The following GAPVD1 variants were observed in gnomAD, a reference collection of about 807,000 sequenced individuals.
The protein encoded by GAPVD1 is GTPase activating protein and VPS9 domains 1.
In GAPVD1, 35 loss-of-function variants were observed where a neutral mutation model predicts 155.5. That is an observed-to-expected ratio of 0.23 (90% CI 0.17 to 0.30). The LOEUF (loss-of-function observed/expected upper bound fraction) is 0.30. GAPVD1 is among the 10% of genes least tolerant of loss of function. The pLI is 1.00. For synonymous variants in GAPVD1, 636 were observed against 619.7 expected (o/e 1.03, Z -0.39); for missense variants, 1,429 against 1,775.7 (o/e 0.80, Z 3.51).
chr9:125,338,829 G>GTAATA (rs1847402500), intron 17 of GAPVD1, among the ~76,000 whole-genome samples: 1 of 152,008 alleles, frequency 6.6e-6, no homozygotes, highest in African/African-American at 2.4e-5. Context: ...TAGGGGGAGA[G>GTAATA]GGTACTTTAA....
intron 11 of GAPVD1, 87 bp from the exon 12 acceptor site, chr9:125,326,329 C>A: frequency 3.2e-6 from 3 of 935,300 alleles, no homozygotes; most frequent in Non-Finnish European, 4.9e-6. Flanking sequence ...ACCAGCCTGA[C>A]CAACATGGAG....
At chr9:125,318,173 C>T (rs1232149237) in intron 9 of GAPVD1, among the ~76,000 whole-genome samples, 1 of 152,132 alleles carries the variant, frequency 6.6e-6, no homozygotes, top group Non-Finnish European at 1.5e-5. Flanking sequence ...TTAGTAGAGA[C>T]AGGGTTTCAC....
chr9:125,339,268 C>T (rs892933277), intron 17 of GAPVD1, among the ~76,000 whole-genome samples: 14 of 152,114 alleles, frequency 9.2e-5, no homozygotes, highest in Non-Finnish European at 1.9e-4. Flanking sequence ...GGATTACAGG[C>T]GTGAGCCACC....
chr9:125,275,446 G>A (rs1161831013), intron 2 of GAPVD1, among the ~76,000 whole-genome samples: 1 of 152,130 alleles, frequency 6.6e-6, no homozygotes, highest in African/African-American at 2.4e-5. Context: ...TTAACTTAAT[G>A]CCTTTCAAAC....
chr9:125,335,965 C>T (rs1846869125), intron 15 of GAPVD1, among the ~76,000 whole-genome samples: 1 of 151,690 alleles, frequency 6.6e-6, no homozygotes, highest in Non-Finnish European at 1.5e-5. Flanking sequence ...CCAGCCTGGG[C>T]AACATGGTGA....
At chr9:125,353,038 C>T (rs1204262925) in intron 23 of GAPVD1, among the ~76,000 whole-genome samples, 8 of 151,496 alleles carry the variant, frequency 5.3e-5, no homozygotes, top group African/African-American at 1.2e-4. Flanking sequence ...AACCTGGAAG[C>T]GGAGGTTACA....
In GAPVD1 at chr9:125,302,153, A is replaced by C; in HGVS notation, c.356A>C (p.Lys119Thr). The C allele has an allele frequency of 6.2e-7, 1 of 1,613,974 alleles. No homozygotes were observed. Among genetic ancestry groups the C allele is most frequent in the Non-Finnish European group, 8.5e-7 (1 of 1,179,980 alleles). Residue 119 changes from lysine to threonine, a missense_variant, in exon 5 of 28, where the codon AAA becomes ACA. Lys to Thr is a moderately conservative substitution (Grantham distance 78, BLOSUM62 -1). This residue lies in a region of GAPVD1 where 628 missense variants were observed against 733.4 expected (regional missense o/e 0.86). Transcript: ENST00000297933. ...GCCTCCTCTTTGGTTGCTGGAGAGA[A>C]ACTTAATCAGGAGAACACACAAAGT... Reference protein sequence around the residue: ...LIASSLVAGEKLNQENTQSVI... With the variant: ...LIASSLVAGETLNQENTQSVI...
At chr9:125,329,763 C>G (rs561570227) in intron 12 of GAPVD1, among the ~76,000 whole-genome samples, 1 of 152,110 alleles carries the variant, frequency 6.6e-6, no homozygotes, top group African/African-American at 2.4e-5. Flanking sequence ...GTCTCTGCAC[C>G]CCCTGCAACC....
In GAPVD1 at chr9:125,307,888, G is replaced by T. The variant is rs745522909; in HGVS notation, c.1441+8G>T. The stretch of plus-strand genomic sequence containing the variant: ...AGAATCGATTACCTATAGGTAAAGA[G>T]AATTTCTCGTATTGGAGCTTTCTCT... On this transcript the variant is annotated splice_region_variant and intron_variant, in intron 8 of 27. Coordinates refer to ENST00000297933, the MANE Select transcript of GAPVD1 (RefSeq NM_001282680.3). The T allele has an allele frequency of 2.6e-6, 4 of 1,565,112 alleles. No homozygotes were observed. The highest frequency in any genetic ancestry group is 2.2e-5 in the South Asian group (2 of 90,102).
intron 27 of GAPVD1, among the ~76,000 whole-genome samples, chr9:125,361,513 G>A (rs7037404): frequency 0.49 from 73,621 of 151,022 alleles, 18,090 homozygotes; most frequent in Middle Eastern, 0.58. Context: ...AACAGAGTGA[G>A]ACTCCATCTT....
chr9:125,288,800 T>A (rs1282169020), intron 2 of GAPVD1, among the ~76,000 whole-genome samples: 1 of 152,204 alleles, frequency 6.6e-6, no homozygotes, highest in Non-Finnish European at 1.5e-5. Context: ...GAGTTCAGAT[T>A]TTCTTACAGA....
chr9:125,305,707 C>T (rs1183625211), intron 6 of GAPVD1, among the ~76,000 whole-genome samples: 1 of 152,062 alleles, frequency 6.6e-6, no homozygotes, highest in South Asian at 2.1e-4. Flanking sequence ...ACTCTGTTGC[C>T]CAGGCTGGAG....
In GAPVD1 at chr9:125,323,927, A is replaced by C; in HGVS notation, c.1858+4A>C. Reference sequence around the variant, plus strand: ...CAGCTGTTAGAACATGAGCAAGGTAAAGTGAAGTTGAACACAGTTGCCTAA... The same window carrying C: ...CAGCTGTTAGAACATGAGCAAGGTACAGTGAAGTTGAACACAGTTGCCTAA... On this transcript the variant is annotated splice_donor_region_variant and intron_variant, in intron 11 of 27. Coordinates refer to ENST00000297933, the MANE Select transcript of GAPVD1 (RefSeq NM_001282680.3). The C allele has an allele frequency of 2.5e-6, 4 of 1,612,358 alleles. No individual in the cohort carries two copies. The highest frequency in any genetic ancestry group is 3.4e-6 in the Non-Finnish European group (4 of 1,179,298).
intron 4 of GAPVD1, among the ~76,000 whole-genome samples, chr9:125,301,670 G>A (rs922238659): frequency 1.3e-5 from 2 of 151,866 alleles, no homozygotes; most frequent in Non-Finnish European, 2.9e-5. Flanking sequence ...GGCTGGTCTC[G>A]ACCTCCTGGC....
chr9:125,283,295 A>G (rs1333029335), intron 2 of GAPVD1, among the ~76,000 whole-genome samples: 2 of 151,728 alleles, frequency 1.3e-5, no homozygotes, highest in African/African-American at 2.4e-5. Flanking sequence ...CTGACCTCAG[A>G]TGATCCATCC....
At chr9:125,285,097 A>G (rs1264381667) in intron 2 of GAPVD1, among the ~76,000 whole-genome samples, 6 of 152,198 alleles carry the variant, frequency 3.9e-5, no homozygotes, top group Non-Finnish European at 1.5e-5. Flanking sequence ...TAGATAGCAG[A>G]TATTTTGGAC....
chr9:125,310,862 G>A (rs965655497), intron 8 of GAPVD1, among the ~76,000 whole-genome samples: 3 of 145,440 alleles, frequency 2.1e-5, no homozygotes, highest in Admixed American at 1.4e-4. Flanking sequence ...TTTTTTAGAC[G>A]GAGTTTCGCT....
intron 24 of GAPVD1, 59 bp from the exon 25 acceptor site, chr9:125,355,585 T>A (rs1362377176): frequency 8.6e-6 from 9 of 1,047,198 alleles, no homozygotes; most frequent in Non-Finnish European, 1.3e-5. Context: ...GATTTCCTTT[T>A]TAAAATTATT....
chr9:125,273,831 T>C (rs114386891), intron 2 of GAPVD1, among the ~76,000 whole-genome samples: 31 of 152,246 alleles, frequency 2.0e-4, no homozygotes, highest in African/African-American at 6.7e-4. Context: ...ACCTCTGCCT[T>C]ATCTTTCTTC....
Sources: allele counts gnomAD v4.1 joint callset (sites outside exome capture counted in the v4.1 genomes callset), GRCh38; gene constraint gnomAD v4.1.1; regional missense constraint gnomAD v4.1.1; transcripts MANE v1.5; gene names NCBI Gene and HGNC (gene_info 2026-07-23, HGNC 2026-07-21).